The following KIFC3 variants were observed in gnomAD, a reference collection of about 807,000 sequenced individuals.
The protein encoded by KIFC3 is kinesin-like protein KIFC3.
KIFC3 carries 60 observed loss-of-function variants against 101.8 expected under a neutral mutation model. The observed-to-expected ratio is 0.59, with a 90% CI of 0.48 to 0.73. KIFC3 has a LOEUF of 0.73. KIFC3 is among the 30% of genes least tolerant of loss of function. The pLI is 0.00. For missense variants in KIFC3, 966 were observed against 1,137.1 expected, an observed-to-expected ratio of 0.85 and a Z score of 2.16; for synonymous variants, 476 against 482.7, an observed-to-expected ratio of 0.99 and a Z score of 0.18.
chr16:57,847,250 GGAAGGAAGGAAGGAA>G lies in KIFC3; in HGVS notation c.108+15464_108+15478del, dbSNP rs1172720477. Among the ~76,000 whole-genome samples the G allele has an allele frequency of 1.1e-3, 118 of 105,124 alleles. 1 individual carries two copies. Among genetic ancestry groups the G allele is most frequent in the African/African-American group, 2.6e-3 (58 of 21,894 alleles). 69.0% of individuals were successfully genotyped at this position (105,124 alleles called of 152,430 possible). On this transcript the variant is annotated intron_variant, in intron 1 of 2. Coordinates refer to the KIFC3 transcript ENST00000563028. ...AGGAAGGAAGGAAGGAAGGAAGGAA[GGAAGGAAGGAAGGAA>G]GGAAGGGAAGGGAGGGAGGGAGAGA...
chr16:57,827,804 G>C (rs972380217), intron 1 of KIFC3, among the ~76,000 whole-genome samples: 1 of 152,206 alleles, frequency 6.6e-6, no homozygotes, highest in Non-Finnish European at 1.5e-5. Context: ...GTTCTAGAAG[G>C]TTCCATCCTG....
At chr16:57,824,434 G>A (rs2055418136) in intron 1 of KIFC3, among the ~76,000 whole-genome samples, 1 of 152,222 alleles carries the variant, frequency 6.6e-6, no homozygotes, top group Admixed American at 6.5e-5. Flanking sequence ...TGTAATCCCA[G>A]CACTTTGGGA....
intron 1 of KIFC3, among the ~76,000 whole-genome samples, chr16:57,828,569 G>T (rs2055507593): frequency 6.6e-6 from 1 of 152,244 alleles, no homozygotes; most frequent in African/African-American, 2.4e-5. Context: ...CATTGGACCA[G>T]GGTCCCAGCC....
chr16:57,854,775 C>T (rs1269028947), intron 1 of KIFC3, among the ~76,000 whole-genome samples: 1 of 152,140 alleles, frequency 6.6e-6, no homozygotes, highest in East Asian at 1.9e-4. Flanking sequence ...GGGTCATAAA[C>T]CAAATCTCAA....
intron 9 of KIFC3, among the ~76,000 whole-genome samples, chr16:57,767,611 C>T (rs2050635083): frequency 6.6e-6 from 1 of 152,118 alleles, no homozygotes; most frequent in South Asian, 2.1e-4. Context: ...ATAGTGTTTG[C>T]CTATAACCTA....
At chr16:57,844,503 G>A (rs2055877738) in intron 1 of KIFC3, among the ~76,000 whole-genome samples, 1 of 150,886 alleles carries the variant, frequency 6.6e-6, no homozygotes, top group African/African-American at 2.4e-5. Flanking sequence ...TTACCTGAAA[G>A]CCATAGCCTC....
upstream of KIFC3, chr16:57,802,604 C>T: frequency 3.0e-6 from 3 of 1,008,844 alleles, no homozygotes; most frequent in Non-Finnish European, 3.5e-6. This position sits in a 1 kb window ranked among gnomAD's most constrained non-coding sequence, Gnocchi z 5.0. Context: ...CGCGCACTGG[C>T]GCGCACGCGT....
chr16:57,802,854 C>T, upstream of KIFC3: 1 of 1,064,764 alleles, frequency 9.4e-7, no homozygotes, highest in Non-Finnish European at 1.4e-6. This position sits in a 1 kb window ranked among gnomAD's most constrained non-coding sequence, Gnocchi z 5.0. Context: ...CAGCCTCAAA[C>T]CCGAGTGCAA....
chr16:57,795,249 T>G, intron 2 of KIFC3, 108 bp from the exon 3 acceptor site: 2 of 1,335,342 alleles, frequency 1.5e-6, no homozygotes, highest in Middle Eastern at 2.0e-4. Context: ...CACACATCCC[T>G]GGCTGGTCCA....
chr16:57,822,193 C>T, intron 1 of KIFC3, among the ~76,000 whole-genome samples: 1 of 152,186 alleles, frequency 6.6e-6, no homozygotes, highest in East Asian at 1.9e-4. Context: ...CTTGGAGCAC[C>T]TTTCGGGGCT....
In KIFC3 at chr16:57,798,166, C is replaced by T. The variant is rs1467011479; in HGVS notation, c.78G>A (p.Pro26=). 9.1e-6 allele frequency: 14 copies of T among 1,539,970 alleles called. No homozygotes were observed. The highest frequency in any genetic ancestry group is 8.7e-6 in the Non-Finnish European group (10 of 1,143,024). Residue 26 remains proline (P), a synonymous_variant, in exon 2 of 20, where the codon CCG becomes CCA. Transcript: ENST00000445690. The part of the protein sequence containing the change: ...LRGLWRVGRA[P]EPEPGMARPA... Reference sequence around the variant, plus strand: ...GGCGAGCCATCCCCGGCTCGGGCTCCGGGGCCCGGCCCACTCTCCACAGGC... The same window carrying T: ...GGCGAGCCATCCCCGGCTCGGGCTCTGGGGCCCGGCCCACTCTCCACAGGC...
At chr16:57,794,837 C>T (rs901879479) in intron 3 of KIFC3, among the ~76,000 whole-genome samples, 162 bp downstream of exon 3, 1 of 152,170 alleles carries the variant, frequency 6.6e-6, no homozygotes, top group Non-Finnish European at 1.5e-5. Flanking sequence ...CTTAATAAAG[C>T]AGGCTCCCAG....
At chr16:57,845,735 G>A (rs936456928) in intron 1 of KIFC3, among the ~76,000 whole-genome samples, 6 of 152,126 alleles carry the variant, frequency 3.9e-5, no homozygotes, top group African/African-American at 1.4e-4. Flanking sequence ...CTCTGCTGTT[G>A]GATTGGTTGA....
chr16:57,836,902 CAGGCTGGTCTCAA>C (rs2055699144), intron 1 of KIFC3, among the ~76,000 whole-genome samples: 2 of 152,252 alleles, frequency 1.3e-5, no homozygotes, highest in South Asian at 2.1e-4. Context: ...TGGTATAGCC[CAGGCTGGTCTCAA>C]ACTCCTGGTA....
At chr16:57,788,448 T>C in intron 3 of KIFC3, 3 of 815,050 alleles carry the variant, frequency 3.7e-6, no homozygotes, top group Non-Finnish European at 5.0e-6. Flanking sequence ...ATCAGGCAGC[T>C]GGAGTCTGTC....
rs781902529 is a variant in KIFC3, at chr16:57,765,609, T to G, written c.1362A>C (p.Pro454=). Residue 454 remains proline (P), a synonymous_variant, in exon 11 of 20, where the codon CCA becomes CCC. Transcript: ENST00000445690. ...GTCCTTCCCCATCCTCTTTGGTGAC[T>G]GGCCGGACACGAGCAATCACTCGGA... ...GNIRVIARVR[P]VTKEDGEGPE... 2.0e-5 allele frequency: 33 copies of G among 1,612,082 alleles called. No homozygotes were observed. The Admixed American group carries it at 5.5e-4, about 27-fold the overall frequency.
At chr16:57,839,393 T>A (rs1295989971) in intron 1 of KIFC3, among the ~76,000 whole-genome samples, 1 of 150,342 alleles carries the variant, frequency 6.7e-6, no homozygotes, top group African/African-American at 2.5e-5. Context: ...GAAAAAAAAA[T>A]TCCAGGCATG....
intron 1 of KIFC3, among the ~76,000 whole-genome samples, chr16:57,858,131 C>T (rs1249471521): frequency 6.6e-6 from 1 of 152,022 alleles, no homozygotes; most frequent in African/African-American, 2.4e-5. Context: ...TTTTCTTTAT[C>T]CAGTCTATCA....
At chr16:57,776,038 A>T (rs2967163) in intron 3 of KIFC3, 1 of 985,262 alleles carries the variant, frequency 1.0e-6, no homozygotes, top group South Asian at 4.7e-5. Flanking sequence ...GGGTGGGGCC[A>T]GCCAGCCCAG....
Sources: gnomAD v4.1 joint callset for allele counts (sites outside exome capture counted in the v4.1 genomes callset) on GRCh38, gnomAD v4.1.1 for gene constraint, Gnocchi (gnomAD v3.1) non-coding constraint, MANE v1.5 for transcripts, NCBI Gene and HGNC (gene_info 2026-07-23, HGNC 2026-07-21) for gene names.